Variants in DSC2 observed in about 807,000 individuals in gnomAD.
DSC2 encodes the protein desmocollin 2.
DSC2 carries 51 observed loss-of-function variants against 87.6 expected under a neutral mutation model. That is an observed-to-expected ratio of 0.58 (90% CI 0.46 to 0.74). DSC2 has a LOEUF of 0.74. DSC2 is among the 30% of genes least tolerant of loss of function. DSC2 has a pLI of 0.00. For synonymous variants in DSC2, 383 were observed against 393.2 expected (o/e 0.97, Z 0.31); for missense variants, 1,066 against 1,089.5 (o/e 0.98, Z 0.30).
intron 11 of DSC2, among the ~76,000 whole-genome samples, chr18:31,079,227 G>GTTTTGT (rs1003532295): frequency 9.9e-5 from 15 of 151,982 alleles, no homozygotes; most frequent in Non-Finnish European, 1.6e-4. Flanking sequence ...ACTGAAACAA[G>GTTTTGT]TTTTGTTTTT....
chr18:31,101,304 A>G (rs1325247590), intron 1 of DSC2: 5 of 925,988 alleles, frequency 5.4e-6, no homozygotes, highest in Non-Finnish European at 6.2e-6. Flanking sequence ...CCCTTCTCTC[A>G]GAGTAAACAA....
chr18:31,068,277 A>G (rs778078781), intron 15 of DSC2, 65 bp from the exon 16 acceptor site: 2 of 1,613,088 alleles, frequency 1.2e-6, no homozygotes, highest in South Asian at 1.1e-5. Context: ...TTACTAACAT[A>G]AAAGTAATTG....
rs921649870 is a variant in DSC2 at position 31,070,801 on chromosome 18, T to C, written c.2175A>G (p.Pro725=). The change falls in exon 14 of 16, where the codon CCA becomes CCG. Residue 725 remains proline, a synonymous_variant. Coordinates refer to ENST00000280904, the MANE Select transcript of DSC2 (RefSeq NM_024422.6). Reference sequence around the variant, plus strand: ...GGGCTAAATCATCAGGAATTACTTTTGGTTGTTTAGACGTCCCAGAAGCCC... The same window carrying C: ...GGGCTAAATCATCAGGAATTACTTTCGGTTGTTTAGACGTCCCAGAAGCCC... The part of the protein sequence containing the change: ...VCGASGTSKQ[P]KVIPDDLAQQ... 2.5e-6 allele frequency: 4 copies of C among 1,613,990 alleles called. No individual in the cohort carries two copies. Among genetic ancestry groups the C allele is most frequent in the Non-Finnish European group, 1.7e-6 (2 of 1,179,910 alleles).
At chr18:31,072,520 T>G (rs1012648222) in intron 12 of DSC2, among the ~76,000 whole-genome samples, 8 of 152,192 alleles carry the variant, frequency 5.3e-5, no homozygotes, top group Non-Finnish European at 1.5e-5. Flanking sequence ...TTATGGTGCA[T>G]AAGCATGATG....
chr18:31,096,871 T>C (rs555469062), intron 1 of DSC2, among the ~76,000 whole-genome samples: 3 of 152,038 alleles, frequency 2.0e-5, no homozygotes, highest in Non-Finnish European at 4.4e-5. Context: ...GTAAAAAAAA[T>C]CTCTGCATTT....
chr18:31,091,165 G>GA lies in DSC2; in HGVS notation c.355-19dup. 2.5e-6 allele frequency: 4 copies of GA among 1,613,194 alleles called. No homozygotes were observed. Among genetic ancestry groups the GA allele is most frequent in the Non-Finnish European group, 3.4e-6 (4 of 1,179,410 alleles). On this transcript the variant is annotated intron_variant, in intron 3 of 15. Coordinates refer to ENST00000280904, the MANE Select transcript of DSC2 (RefSeq NM_024422.6). The stretch of plus-strand genomic sequence containing the variant: ...TTTAGGACCTCAATTCATAAGACAG[G>GA]AAAAAATAATAAAGTCAATGACTAC...
intron 11 of DSC2, among the ~76,000 whole-genome samples, chr18:31,075,980 G>A (rs1166005042): frequency 6.6e-6 from 1 of 152,204 alleles, no homozygotes. Context: ...CCACGCCACA[G>A]ATTAGTAATG....
intron 1 of DSC2, chr18:31,101,233 G>A: frequency 2.0e-6 from 2 of 985,226 alleles, no homozygotes; most frequent in Non-Finnish European, 1.2e-6. Flanking sequence ...AGGGCTCGCC[G>A]GTCGACAGTC....
intron 15 of DSC2, 139 bp downstream of exon 15, chr18:31,068,755 T>C (rs1203722509): frequency 9.2e-6 from 11 of 1,192,352 alleles, no homozygotes; most frequent in African/African-American, 3.1e-5. Context: ...TAAATTAAAA[T>C]TGAGGAAAAA....
intron 1 of DSC2, 70 bp downstream of exon 1, chr18:31,101,833 T>C (rs907996011): frequency 1.9e-5 from 28 of 1,451,612 alleles, no homozygotes; most frequent in Non-Finnish European, 2.3e-5. Flanking sequence ...CTATCCCCGT[T>C]CCCCTAGTTT....
rs1368180963 is a variant in DSC2, at chr18:31,059,162, A to G, written c.*8853T>C. The G allele has an allele frequency of 6.6e-6, 1 of 152,208 alleles. No individual in the cohort carries two copies. The highest frequency in any genetic ancestry group is 6.5e-5 in the Admixed American group (1 of 15,276). 9.4% of individuals were successfully genotyped at this position (152,208 alleles called of 1,614,324 possible). Reference sequence around the variant, plus strand: ...GCATGGAGAATGCGATGCATTGTGCAAAGATTAACTGTGATTGTGTCTACT... The same window carrying G: ...GCATGGAGAATGCGATGCATTGTGCGAAGATTAACTGTGATTGTGTCTACT... On this transcript the variant is annotated 3_prime_UTR_variant, in exon 16 of 16. Transcript: ENST00000280904.
chr18:31,101,808 T>TG, intron 1 of DSC2, 95 bp downstream of exon 1: 2 of 1,323,904 alleles, frequency 1.5e-6, no homozygotes, highest in Non-Finnish European at 2.0e-6. Flanking sequence ...CCCCAGCTTT[T>TG]CCCGCCACCC....
At chr18:31,074,420 AATGTG>A (rs1567974256) in intron 12 of DSC2, among the ~76,000 whole-genome samples, 41 of 108,538 alleles carry the variant, frequency 3.8e-4, no homozygotes, top group African/African-American at 1.5e-3. Flanking sequence ...AAAGAGAAAA[AATGTG>A]TGTGTGTGTG....
At position 31,091,826 on chromosome 18, in the gene DSC2, C is replaced by CA. The variant is rs138357583; in HGVS notation, c.354+274dup. ...TAGAAATCCATTCTACGGTAAAGCT[C>CA]AAAAAAAAAATGCTGCTTTGTGTCT... On this transcript the variant is annotated intron_variant, in intron 3 of 15. Transcript: ENST00000280904. Among the ~76,000 whole-genome samples the CA allele has an allele frequency of 7.6e-3, 1,122 of 148,372 alleles. 16 individuals carry two copies. The highest frequency in any genetic ancestry group is 0.026 in the African/African-American group (1,047 of 40,618).
At chr18:31,081,523 A>C (rs1444596425) in intron 9 of DSC2, among the ~76,000 whole-genome samples, 1 of 152,178 alleles carries the variant, frequency 6.6e-6, no homozygotes, top group Non-Finnish European at 1.5e-5. Context: ...TAATATAAAA[A>C]CAGCAGCTGA....
Position 31,069,025 on chromosome 18 carries a change from T to C in DSC2, c.2377A>G (p.Thr793Ala), listed in dbSNP as rs1451275440. 5 of 1,613,874 alleles carry C rather than the reference T, an allele frequency of 3.1e-6. No individual in the cohort carries two copies. In the Admixed American group the frequency reaches 8.3e-5, roughly 27 times the overall value. The stretch of plus-strand genomic sequence containing the variant: ...CCAGCCCCCCGGCAGGATTCCGAGG[T>C]CTGGTGTCCTCCTTTCACCATTTCG... ...TIEMVKGGHQ[T>A]SESCRGAGHH... is the part of the protein sequence containing the mutation. Residue 793 changes from threonine (T) to alanine (A), a missense_variant, in exon 15 of 16, where the codon ACC (threonine) becomes GCC (alanine). By Grantham distance (58) the Thr-to-Ala change is moderately conservative. Transcript: ENST00000280904.
chr18:31,080,523 C>T (rs919518469), intron 9 of DSC2, among the ~76,000 whole-genome samples, 171 bp from the exon 10 acceptor site: 3 of 152,200 alleles, frequency 2.0e-5, no homozygotes, highest in African/African-American at 7.2e-5. Flanking sequence ...TCGCCACCCA[C>T]ATCTCATGTC....
Position 31,066,361 on chromosome 18 carries a change from G to A in DSC2, c.*1654C>T, listed in dbSNP as rs957641002. ...CCTGTGATGAACAAACTCACACTAA[G>A]TTTTAAAAACTGCTTAATTTACTTT... On this transcript the variant is annotated 3_prime_UTR_variant, in exon 16 of 16. Transcript: ENST00000280904. The A allele has an allele frequency of 1.3e-5, 2 of 152,050 alleles. No homozygotes were observed. The highest frequency in any genetic ancestry group is 6.6e-5 in the Admixed American group (1 of 15,250). 9.4% of individuals were successfully genotyped at this position (152,050 alleles called of 1,614,324 possible).
At chr18:31,101,820 C>T in intron 1 of DSC2, 83 bp downstream of exon 1, 2 of 1,409,790 alleles carry the variant, frequency 1.4e-6, no homozygotes, top group Middle Eastern at 1.8e-4. Flanking sequence ...CCGCCACCCC[C>T]ACCTATCCCC....
Sources: gnomAD v4.1 joint callset for allele counts (sites outside exome capture counted in the v4.1 genomes callset) on GRCh38, gnomAD v4.1.1 for gene constraint, MANE v1.5 for transcripts, NCBI Gene and HGNC (gene_info 2026-07-23, HGNC 2026-07-21) for gene names.